Variants in LHFPL3 observed in about 807,000 individuals in gnomAD.
The protein encoded by LHFPL3 is LHFPL tetraspan subfamily member 3 protein.
Under a neutral mutation model 19.3 loss-of-function variants are expected in LHFPL3, and 5 were observed. That is an observed-to-expected ratio of 0.26 (90% CI 0.14 to 0.54). The LOEUF (loss-of-function observed/expected upper bound fraction) is 0.54, where lower values mean the gene tolerates loss of function less well. LHFPL3 is among the 20% of genes least tolerant of loss of function. The pLI is 0.94. For missense variants in LHFPL3, 249 were observed against 307.4 expected (o/e 0.81, Z 1.42); for synonymous variants, 133 against 126.2 (o/e 1.05, Z -0.36).
chr7:104,514,305 C>T (rs534488977), intron 1 of LHFPL3, among the ~76,000 whole-genome samples: 4 of 152,062 alleles, frequency 2.6e-5, no homozygotes, highest in South Asian at 4.1e-4. Context: ...GAGAAGTCAG[C>T]CTCTTAGGCT....
At chr7:104,681,841 G>A (rs4517051) in intron 1 of LHFPL3, among the ~76,000 whole-genome samples, 70,366 of 151,884 alleles carry the variant, frequency 0.46, 16,365 homozygotes, top group East Asian at 0.52. Flanking sequence ...GTACACATAG[G>A]CCAGATCCTA....
At chr7:104,412,820 G>A (rs1435216165) in intron 1 of LHFPL3, among the ~76,000 whole-genome samples, 3 of 151,936 alleles carry the variant, frequency 2.0e-5, no homozygotes, top group African/African-American at 7.3e-5. Flanking sequence ...TTTACCATAA[G>A]CAATCCTAGA....
intron 1 of LHFPL3, among the ~76,000 whole-genome samples, chr7:104,375,243 C>A (rs1790690134): frequency 6.6e-6 from 1 of 152,120 alleles, no homozygotes; most frequent in Admixed American, 6.5e-5. Flanking sequence ...GGGGGTGAGG[C>A]AGGAGAATCA....
chr7:104,851,912 G>A (rs758513607), intron 2 of LHFPL3, among the ~76,000 whole-genome samples: 1 of 152,002 alleles, frequency 6.6e-6, no homozygotes, highest in Non-Finnish European at 1.5e-5. Flanking sequence ...AAACCACGTG[G>A]GCAGAGCAGG....
intron 1 of LHFPL3, among the ~76,000 whole-genome samples, chr7:104,451,544 T>G (rs887669285): frequency 1.3e-5 from 2 of 152,322 alleles, no homozygotes; most frequent in African/African-American, 4.8e-5. Flanking sequence ...AGAACAAGTA[T>G]GAAGAAATTA....
chr7:104,675,066 A>G (rs973306574), intron 1 of LHFPL3, among the ~76,000 whole-genome samples: 6 of 152,364 alleles, frequency 3.9e-5, no homozygotes, highest in Non-Finnish European at 7.3e-5. Flanking sequence ...TTCTTAAAGT[A>G]AGTAAATGTA....
At chr7:104,337,291 T>C (rs1789829680) in intron 1 of LHFPL3, among the ~76,000 whole-genome samples, 1 of 152,106 alleles carries the variant, frequency 6.6e-6, no homozygotes, top group Non-Finnish European at 1.5e-5. Context: ...AGTAAAGAGA[T>C]GATGAAATTC....
At chr7:104,624,566 C>T (rs1388793200) in intron 1 of LHFPL3, among the ~76,000 whole-genome samples, 4 of 152,190 alleles carry the variant, frequency 2.6e-5, no homozygotes, top group African/African-American at 9.6e-5. Flanking sequence ...GCCTCCTCAT[C>T]ACCGTACCTT....
intron 1 of LHFPL3, among the ~76,000 whole-genome samples, chr7:104,614,828 G>T (rs1372909002): frequency 6.6e-6 from 1 of 150,826 alleles, no homozygotes; most frequent in East Asian, 1.9e-4. Flanking sequence ...ACAGCTCACT[G>T]CAACCCCAAC....
chr7:104,618,022 C>A (rs1791380641), intron 1 of LHFPL3, among the ~76,000 whole-genome samples: 1 of 152,190 alleles, frequency 6.6e-6, no homozygotes, highest in Admixed American at 6.6e-5. Flanking sequence ...AATATCATCA[C>A]TGCCCAATGT....
chr7:104,549,026 C>A (rs75868883), intron 1 of LHFPL3, among the ~76,000 whole-genome samples: 182 of 152,196 alleles, frequency 1.2e-3, no homozygotes, highest in Non-Finnish European at 2.0e-3. Flanking sequence ...TCTGAAGAAT[C>A]CAGTAATTGG....
At chr7:104,499,451 A>C (rs1793554748) in intron 1 of LHFPL3, among the ~76,000 whole-genome samples, 1 of 152,222 alleles carries the variant, frequency 6.6e-6, no homozygotes, top group Non-Finnish European at 1.5e-5. Context: ...ATGAAGCATG[A>C]CCGAGCTCTT....
intron 2 of LHFPL3, among the ~76,000 whole-genome samples, chr7:104,869,264 C>T (rs1413468193): frequency 6.6e-6 from 1 of 152,198 alleles, no homozygotes; most frequent in East Asian, 1.9e-4. Flanking sequence ...TAAAGAGCTT[C>T]TGCACAGCAA....
At chr7:104,741,665 A>G (rs1793940075) in intron 2 of LHFPL3, among the ~76,000 whole-genome samples, 1 of 151,936 alleles carries the variant, frequency 6.6e-6, no homozygotes, top group African/African-American at 2.4e-5. Flanking sequence ...CCTCTGGAGT[A>G]GCTAGGACTA....
At chr7:104,747,328 G>A (rs1461225634) in intron 2 of LHFPL3, among the ~76,000 whole-genome samples, 2 of 152,072 alleles carry the variant, frequency 1.3e-5, no homozygotes, top group African/African-American at 4.8e-5. Flanking sequence ...GAGGAACAAA[G>A]CCAAGCCTTA....
intron 1 of LHFPL3, among the ~76,000 whole-genome samples, chr7:104,562,087 C>G (rs552177992): frequency 0.022 from 3,379 of 151,784 alleles, 102 homozygotes; most frequent in African/African-American, 0.077. Flanking sequence ...TGAGGGTAAC[C>G]CGACCTTTCT....
At chr7:104,884,166 A>C (rs984008602) in intron 2 of LHFPL3, among the ~76,000 whole-genome samples, 6 of 152,208 alleles carry the variant, frequency 3.9e-5, no homozygotes, top group Non-Finnish European at 8.8e-5. Context: ...TCTTCGGTAC[A>C]CGCCAGAAGC....
At chr7:104,365,443 A>ATT (rs35142244) in intron 1 of LHFPL3, among the ~76,000 whole-genome samples, 38 of 150,156 alleles carry the variant, frequency 2.5e-4, no homozygotes, top group African/African-American at 4.4e-4. Flanking sequence ...TGTTTTTGTG[A>ATT]TTTTTTTTTT....
intron 2 of LHFPL3, among the ~76,000 whole-genome samples, chr7:104,768,486 C>G (rs1381703647): frequency 6.6e-6 from 1 of 152,152 alleles, no homozygotes; most frequent in Admixed American, 6.5e-5. Flanking sequence ...TGCTGTGTGA[C>G]TAAGTGGTAT....
Sources: gnomAD v4.1 joint callset for allele counts (sites outside exome capture counted in the v4.1 genomes callset) on GRCh38, gnomAD v4.1.1 for gene constraint, MANE v1.5 for transcripts, NCBI Gene and HGNC (gene_info 2026-07-23, HGNC 2026-07-21) for gene names.